PTPRD: variants seen among roughly 807,000 people sequenced by gnomAD.
The protein encoded by PTPRD is receptor-type tyrosine-protein phosphatase delta.
PTPRD carries 34 observed loss-of-function variants against 214.5 expected under a neutral mutation model. The observed-to-expected ratio is 0.16, with a 90% CI of 0.12 to 0.21. PTPRD has a LOEUF of 0.21. Among genes scored for constraint, PTPRD ranks in the 10% least tolerant of loss-of-function variants. The probability of loss-of-function intolerance (pLI) is 1.00; values close to 1 mark genes in which losing one functional copy is unlikely to be tolerated. For synonymous variants in PTPRD, 1,128 were observed against 845.7 expected (o/e 1.33, Z -5.79); for missense variants, 2,545 against 2,398.7 (o/e 1.06, Z -1.27).
intron 26 of PTPRD, among the ~76,000 whole-genome samples, chr9:8,496,327 C>G (rs72694733): frequency 0.015 from 2,333 of 152,190 alleles, 59 homozygotes; most frequent in African/African-American, 0.046. Flanking sequence ...GAATTCATAG[C>G]TTTTATTGAC....
chr9:8,993,613 A>G (rs892941057), intron 11 of PTPRD, among the ~76,000 whole-genome samples: 1 of 152,134 alleles, frequency 6.6e-6, no homozygotes, highest in Non-Finnish European at 1.5e-5. Flanking sequence ...AAAATCAACT[A>G]AGATGATTAT....
intron 11 of PTPRD, among the ~76,000 whole-genome samples, chr9:8,800,957 G>T (rs1009604824): frequency 6.6e-6 from 1 of 152,152 alleles, no homozygotes; most frequent in African/African-American, 2.4e-5. Flanking sequence ...GGCAGTCCTG[G>T]ATTTGAACAT....
intron 2 of PTPRD, among the ~76,000 whole-genome samples, chr9:10,373,109 A>T (rs537491678): frequency 4.0e-5 from 6 of 151,228 alleles, no homozygotes; most frequent in Non-Finnish European, 8.8e-5. Context: ...CTAGGATTAC[A>T]GCTTGAGTCA....
intron 4 of PTPRD, among the ~76,000 whole-genome samples, chr9:9,942,197 A>T (rs983146861): frequency 1.3e-5 from 2 of 152,194 alleles, no homozygotes; most frequent in Non-Finnish European, 2.9e-5. Flanking sequence ...CTGGAAATAC[A>T]AACGAATACA....
intron 12 of PTPRD, among the ~76,000 whole-genome samples, chr9:8,686,510 G>C (rs190925952): frequency 1.9e-4 from 29 of 152,220 alleles, no homozygotes; most frequent in Admixed American, 1.4e-3. Context: ...CTACATTTCA[G>C]ATATAATAAT....
chr9:9,233,647 G>C (rs999565092), intron 9 of PTPRD, among the ~76,000 whole-genome samples: 3 of 152,112 alleles, frequency 2.0e-5, no homozygotes, highest in African/African-American at 7.2e-5. Flanking sequence ...ATACAATTAG[G>C]GTACATGCAT....
chr9:9,512,122 G>T (rs1011868989), intron 8 of PTPRD, among the ~76,000 whole-genome samples: 1 of 151,720 alleles, frequency 6.6e-6, no homozygotes, highest in African/African-American at 2.4e-5. Flanking sequence ...TTTAATAAGA[G>T]AAACAGCTAA....
chr9:8,720,777 A>C (rs1411081909), intron 12 of PTPRD, among the ~76,000 whole-genome samples: 1 of 152,076 alleles, frequency 6.6e-6, no homozygotes, highest in Non-Finnish European at 1.5e-5. Flanking sequence ...CTGTGACATA[A>C]CTTTCCTCCA....
At chr9:10,085,845 G>A (rs1233312284) in intron 3 of PTPRD, among the ~76,000 whole-genome samples, 1 of 151,828 alleles carries the variant, frequency 6.6e-6, no homozygotes, top group African/African-American at 2.4e-5. Flanking sequence ...CACCTGTAAC[G>A]TTGGTAAATG....
At chr9:10,611,074 C>A (rs918875493) in intron 2 of PTPRD, among the ~76,000 whole-genome samples, 5 of 152,220 alleles carry the variant, frequency 3.3e-5, no homozygotes, top group South Asian at 4.1e-4. Flanking sequence ...GAAAGAAATT[C>A]TCTGAGATAA....
intron 3 of PTPRD, among the ~76,000 whole-genome samples, chr9:10,120,922 A>C (rs1410998735): frequency 6.6e-6 from 1 of 152,092 alleles, no homozygotes; most frequent in African/African-American, 2.4e-5. Context: ...AAATAGACAA[A>C]GCTCACGTAG....
At chr9:8,628,984 T>C (rs1206154575) in intron 14 of PTPRD, among the ~76,000 whole-genome samples, 2 of 151,700 alleles carry the variant, frequency 1.3e-5, no homozygotes, top group African/African-American at 2.4e-5. Context: ...GTTGTGCTAG[T>C]GGTGGTGGTG....
intron 5 of PTPRD, among the ~76,000 whole-genome samples, chr9:9,914,194 G>C (rs1170297285): frequency 1.3e-5 from 2 of 152,162 alleles, no homozygotes; most frequent in Non-Finnish European, 2.9e-5. Context: ...CCCCAGACTA[G>C]TGGAGCAGCT....
At chr9:10,415,433 T>A (rs1178849283) in intron 2 of PTPRD, among the ~76,000 whole-genome samples, 3 of 151,906 alleles carry the variant, frequency 2.0e-5, no homozygotes, top group Non-Finnish European at 4.4e-5. Context: ...TCTTTTATAT[T>A]TGCCATTAGA....
intron 2 of PTPRD, among the ~76,000 whole-genome samples, chr9:10,439,921 A>C (rs1227065265): frequency 2.0e-5 from 3 of 151,736 alleles, no homozygotes; most frequent in African/African-American, 7.2e-5. Flanking sequence ...GAAATTTTTC[A>C]AGTGCTCATC....
chr9:9,497,623 C>T (rs1303526234), intron 8 of PTPRD, among the ~76,000 whole-genome samples: 1 of 152,058 alleles, frequency 6.6e-6, no homozygotes, highest in African/African-American at 2.4e-5. Context: ...CAACGATCAC[C>T]ATCTGTAGAT....
chr9:9,328,863 C>G (rs552377466), intron 9 of PTPRD, among the ~76,000 whole-genome samples: 13 of 151,430 alleles, frequency 8.6e-5, no homozygotes, highest in African/African-American at 3.1e-4. Context: ...GTCTTGAACT[C>G]CTGACCTCAA....
chr9:8,667,837 C>T (rs1376528948), intron 12 of PTPRD, among the ~76,000 whole-genome samples: 1 of 151,978 alleles, frequency 6.6e-6, no homozygotes, highest in Non-Finnish European at 1.5e-5. Context: ...AATACTCAAC[C>T]TGTATCATAA....
intron 35 of PTPRD, among the ~76,000 whole-genome samples, chr9:8,412,599 G>T (rs1467257776): frequency 1.3e-5 from 2 of 152,154 alleles, no homozygotes; most frequent in Admixed American, 1.3e-4. Context: ...CTAAAAGAAT[G>T]CTAGATGTTT....
Sources: gnomAD v4.1 joint callset for allele counts (sites outside exome capture counted in the v4.1 genomes callset) on GRCh38, gnomAD v4.1.1 for gene constraint, MANE v1.5 for transcripts, NCBI Gene and HGNC (gene_info 2026-07-23, HGNC 2026-07-21) for gene names.